PTPRD: variants seen among roughly 807,000 people sequenced by gnomAD.
PTPRD encodes the protein protein tyrosine phosphatase receptor type D, also known as receptor-type tyrosine-protein phosphatase delta.
In PTPRD, 34 loss-of-function variants were observed where a neutral mutation model predicts 214.5. That is an observed-to-expected ratio of 0.16 (90% CI 0.12 to 0.21). The LOEUF (loss-of-function observed/expected upper bound fraction) is 0.21. PTPRD is among the 10% of genes least tolerant of loss of function. The probability of loss-of-function intolerance (pLI) is 1.00; values close to 1 mark genes in which losing one functional copy is unlikely to be tolerated. For synonymous variants in PTPRD, 1,128 were observed against 845.7 expected, an observed-to-expected ratio of 1.33 and a Z score of -5.79; for missense variants, 2,545 against 2,398.7, an observed-to-expected ratio of 1.06 and a Z score of -1.27.
intron 7 of PTPRD, among the ~76,000 whole-genome samples, chr9:9,671,906 C>A (rs1219472779): frequency 6.6e-6 from 1 of 152,182 alleles, no homozygotes; most frequent in African/African-American, 2.4e-5. Flanking sequence ...TTGCCACAAA[C>A]ATTCCTGTAT....
intron 11 of PTPRD, among the ~76,000 whole-genome samples, chr9:8,770,774 T>A (rs1441317568): frequency 6.6e-6 from 1 of 151,966 alleles, no homozygotes; most frequent in Admixed American, 6.6e-5. Flanking sequence ...GGCAAAAACG[T>A]CAAATATTCA....
chr9:9,662,856 C>G (rs2096646458), intron 7 of PTPRD, among the ~76,000 whole-genome samples: 1 of 151,492 alleles, frequency 6.6e-6, no homozygotes, highest in South Asian at 2.1e-4. Flanking sequence ...TTGCTGTGTA[C>G]TAGTTTGATT....
chr9:10,456,601 C>A (rs963144539), intron 2 of PTPRD, among the ~76,000 whole-genome samples: 1 of 151,832 alleles, frequency 6.6e-6, no homozygotes, highest in South Asian at 2.1e-4. Context: ...GGAAAAAGAA[C>A]ACAAATTCTG....
chr9:10,503,023 A>G (rs922653971), intron 2 of PTPRD, among the ~76,000 whole-genome samples: 5 of 151,906 alleles, frequency 3.3e-5, no homozygotes, highest in African/African-American at 1.2e-4. Context: ...TTAATCATTG[A>G]TAATCCTTGT....
chr9:8,987,092 C>T (rs1337574382), intron 11 of PTPRD, among the ~76,000 whole-genome samples: 1 of 152,086 alleles, frequency 6.6e-6, no homozygotes, highest in Non-Finnish European at 1.5e-5. Flanking sequence ...GGAATTCATC[C>T]ACCTGTAGCA....
At chr9:10,594,066 T>A (rs1051360595) in intron 2 of PTPRD, among the ~76,000 whole-genome samples, 12 of 151,992 alleles carry the variant, frequency 7.9e-5, no homozygotes, top group African/African-American at 2.9e-4. Context: ...GTGTTGTGCT[T>A]CCATCTTTTC....
chr9:8,331,885 T>C (rs566689898), intron 43 of PTPRD, 149 bp from the exon 44 acceptor site: 2 of 886,192 alleles, frequency 2.3e-6, no homozygotes, highest in East Asian at 2.8e-5. Flanking sequence ...AACTTAGTTA[T>C]GGTTTATCTG....
chr9:8,790,408 T>C (rs2096180067), intron 11 of PTPRD, among the ~76,000 whole-genome samples: 1 of 126,322 alleles, frequency 7.9e-6, no homozygotes. Flanking sequence ...GGGAATCTTG[T>C]CTGTTTTTTG....
intron 14 of PTPRD, among the ~76,000 whole-genome samples, chr9:8,594,904 C>T (rs1322984985): frequency 4.0e-5 from 6 of 148,272 alleles, no homozygotes; most frequent in African/African-American, 1.5e-4. Flanking sequence ...ACTCTGTCAC[C>T]CAGGCTGGAG....
chr9:8,408,966 G>T (rs1426891839), intron 35 of PTPRD, among the ~76,000 whole-genome samples: 1 of 152,136 alleles, frequency 6.6e-6, no homozygotes, highest in African/African-American at 2.4e-5. Flanking sequence ...TAACTTGATG[G>T]TCTGAAAGTT....
chr9:10,261,579 A>G (rs1161319163), intron 3 of PTPRD, among the ~76,000 whole-genome samples: 1 of 152,206 alleles, frequency 6.6e-6, no homozygotes, highest in East Asian at 1.9e-4. Flanking sequence ...ATTTAATTTG[A>G]TCCAATCTAA....
At chr9:9,321,895 C>T (rs1329708368) in intron 9 of PTPRD, among the ~76,000 whole-genome samples, 1 of 152,056 alleles carries the variant, frequency 6.6e-6, no homozygotes, top group East Asian at 1.9e-4. Flanking sequence ...GGTAATAGAC[C>T]TAATTAACTT....
chr9:8,810,501 A>G (rs72702367), intron 11 of PTPRD, among the ~76,000 whole-genome samples: 2,703 of 152,272 alleles, frequency 0.018, 50 homozygotes, highest in African/African-American at 0.046. Flanking sequence ...TAAAAAGTTC[A>G]GATCACCTCA....
chr9:10,361,784 T>A (rs548678562), intron 2 of PTPRD, among the ~76,000 whole-genome samples: 34 of 152,250 alleles, frequency 2.2e-4, no homozygotes, highest in African/African-American at 8.2e-4. Context: ...AAACTCATGA[T>A]AAGGAACCAA....
chr9:10,329,083 T>C (rs1019256246), intron 3 of PTPRD, among the ~76,000 whole-genome samples: 8 of 151,786 alleles, frequency 5.3e-5, no homozygotes, highest in African/African-American at 1.4e-4. Flanking sequence ...GCTTAATACA[T>C]TGGAAATTAT....
chr9:10,187,122 CT>C (rs1376947394), intron 3 of PTPRD, among the ~76,000 whole-genome samples: 1 of 152,090 alleles, frequency 6.6e-6, no homozygotes. Flanking sequence ...CATAAATGCT[CT>C]TTTAAAAACT....
chr9:8,821,095 CCTT>C (rs1378605533), intron 11 of PTPRD, among the ~76,000 whole-genome samples: 3 of 152,130 alleles, frequency 2.0e-5, no homozygotes, highest in Non-Finnish European at 4.4e-5. Flanking sequence ...ATGATCAGCC[CCTT>C]CTTCTCCTTT....
chr9:10,373,142 C>CT (rs199937998), intron 2 of PTPRD, among the ~76,000 whole-genome samples: 3,523 of 125,594 alleles, frequency 0.028, 92 homozygotes, highest in East Asian at 0.15. Flanking sequence ...TGTCTTTATA[C>CT]TTAAAAAAAA....
chr9:8,759,879 C>G (rs746138619), intron 11 of PTPRD, among the ~76,000 whole-genome samples: 1 of 152,146 alleles, frequency 6.6e-6, no homozygotes, highest in African/African-American at 2.4e-5. Context: ...TTCCTGGACT[C>G]GTGTTTGTTT....
Sources: gnomAD v4.1 joint callset for allele counts (sites outside exome capture counted in the v4.1 genomes callset) on GRCh38, gnomAD v4.1.1 for gene constraint, MANE v1.5 for transcripts, NCBI Gene and HGNC (gene_info 2026-07-23, HGNC 2026-07-21) for gene names.